The following ZC3H8 variants were observed in gnomAD, a reference collection of about 807,000 sequenced individuals.
ZC3H8 encodes zinc finger CCCH domain-containing protein 8.
A neutral mutation model predicts 42.5 loss-of-function variants in ZC3H8; 27 were observed. That is an observed-to-expected ratio of 0.64 (90% CI 0.47 to 0.88). ZC3H8 has a LOEUF of 0.88. ZC3H8 is among the 40% of genes least tolerant of loss of function. ZC3H8 has a pLI of 0.00. For missense variants in ZC3H8, 277 were observed against 336.1 expected (o/e 0.82, Z 1.37); for synonymous variants, 101 against 110.1 (o/e 0.92, Z 0.52).
intron 2 of ZC3H8, among the ~76,000 whole-genome samples, chr2:112,247,243 T>C (rs1685795194): frequency 1.3e-5 from 2 of 152,186 alleles, no homozygotes; most frequent in Admixed American, 1.3e-4. Context: ...GTAATGCTCT[T>C]TCTTAACTTG....
rs895180755 is a variant in ZC3H8, at chr2:112,213,650, C to G, written c.*2834G>C. On this transcript the variant is annotated 3_prime_UTR_variant, in exon 9 of 9. Transcript: ENST00000409573. ...AATTAGCAGGGTGTGGTGGCATGCA[C>G]CTGTAGTCCCAGCTACTTGGGAGGC... 8 of 150,918 alleles carry G rather than the reference C, an allele frequency of 5.3e-5. No homozygotes were observed. Among genetic ancestry groups the G allele is most frequent in the Non-Finnish European group, 2.9e-5 (2 of 67,860 alleles). The allele number at this position is 150,918 out of a possible 1,614,324, so 9.3% of individuals were successfully genotyped here.
intron 1 of ZC3H8, among the ~76,000 whole-genome samples, chr2:112,251,528 T>C (rs1685947076): frequency 6.6e-6 from 1 of 152,214 alleles, no homozygotes; most frequent in Non-Finnish European, 1.5e-5. Context: ...ATGACAATAA[T>C]GACCTCAATA....
At position 112,222,038 on chromosome 2, in the gene ZC3H8, T is replaced by C. The variant is rs115677043; in HGVS notation, c.*16-5570A>G. Reference sequence around the variant, plus strand: ...GTTGCTGTCCTTTGGGTAGATTTTTTGCTTTTTTCTTCTTGATAACCTTGG... The same window carrying C: ...GTTGCTGTCCTTTGGGTAGATTTTTCGCTTTTTTCTTCTTGATAACCTTGG... On this transcript the variant is annotated intron_variant, in intron 8 of 8. Transcript: ENST00000409573. Among the ~76,000 whole-genome samples, 193 of 152,264 alleles carry C rather than the reference T, an allele frequency of 1.3e-3. 2 individuals carry two copies. Among genetic ancestry groups the C allele is most frequent in the African/African-American group, 4.6e-3 (191 of 41,556 alleles).
At chr2:112,229,085 G>GA (rs1684978490) in intron 8 of ZC3H8, among the ~76,000 whole-genome samples, 3 of 152,148 alleles carry the variant, frequency 2.0e-5, no homozygotes, top group African/African-American at 7.2e-5. Context: ...ATATACTGGA[G>GA]AAAAAGACAA....
At position 112,215,145 on chromosome 2, in the gene ZC3H8, T is replaced by G. The variant is rs1229656678; in HGVS notation, c.*1339A>C. 1 of 152,170 alleles carries G rather than the reference T, an allele frequency of 6.6e-6. No individual in the cohort carries two copies. Among genetic ancestry groups the G allele is most frequent in the East Asian group, 1.9e-4 (1 of 5,200 alleles). 9.4% of individuals were successfully genotyped at this position (152,170 alleles called of 1,614,324 possible). A position where few individuals can be genotyped will look rare whatever the true frequency, so the allele number is the denominator to read the frequency against. On this transcript the variant is annotated 3_prime_UTR_variant, in exon 9 of 9. Coordinates refer to ENST00000409573, the MANE Select transcript of ZC3H8 (RefSeq NM_032494.3). Reference sequence around the variant, plus strand: ...AAACTGCTAGACTGTAGTATAAGATTAACTACAAGTATTGACAAGGCTCAT... The same window carrying G: ...AAACTGCTAGACTGTAGTATAAGATGAACTACAAGTATTGACAAGGCTCAT...
intron 8 of ZC3H8, among the ~76,000 whole-genome samples, chr2:112,218,501 CACAA>C (rs747908691): frequency 2.3e-4 from 35 of 152,188 alleles, no homozygotes; most frequent in Non-Finnish European, 3.7e-4. Flanking sequence ...TATTTCTACA[CACAA>C]ACAATGAACA....
In ZC3H8 at chr2:112,212,478, G is replaced by A. The variant is rs1684171469; in HGVS notation, c.*4006C>T. The A allele has an allele frequency of 6.6e-6, 1 of 152,198 alleles. No individual in the cohort carries two copies. Among genetic ancestry groups the A allele is most frequent in the Non-Finnish European group, 1.5e-5 (1 of 68,042 alleles). 9.4% of individuals were successfully genotyped at this position (152,198 alleles called of 1,614,324 possible). ...ACTTTGGGAAGAAGAATGTAGGTTT[G>A]CTTCTTAGTTCACATTTATTAGTTT... is the stretch of plus-strand genomic sequence containing the variant. On this transcript the variant is annotated 3_prime_UTR_variant, in exon 9 of 9. Coordinates refer to ENST00000409573, the MANE Select transcript of ZC3H8 (RefSeq NM_032494.3).
At chr2:112,229,941 G>A (rs1453001312) in intron 8 of ZC3H8, among the ~76,000 whole-genome samples, 1 of 145,156 alleles carries the variant, frequency 6.9e-6, no homozygotes, top group Admixed American at 6.9e-5. Flanking sequence ...CTGAGATGCC[G>A]CAAAAAAAAA....
intron 2 of ZC3H8, 112 bp from the exon 3 acceptor site, chr2:112,238,640 T>C (rs909451534): frequency 3.8e-6 from 3 of 794,354 alleles, no homozygotes; most frequent in Non-Finnish European, 5.9e-6. Flanking sequence ...AGGTGGGTAA[T>C]AGGTACATGG....
At chr2:112,249,765 C>T (rs1685884843) in intron 2 of ZC3H8, among the ~76,000 whole-genome samples, 1 of 152,108 alleles carries the variant, frequency 6.6e-6, no homozygotes, top group African/African-American at 2.4e-5. Flanking sequence ...TTTAAGCCAC[C>T]CAGTCTGTGG....
At chr2:112,248,253 GAGA>G (rs1022902783) in intron 2 of ZC3H8, among the ~76,000 whole-genome samples, 5 of 151,518 alleles carry the variant, frequency 3.3e-5, no homozygotes, top group Non-Finnish European at 5.9e-5. Context: ...TCGAACCCAG[GAGA>G]AGGAGGTTGC....
chr2:112,224,883 TATTG>T (rs1573890175), intron 8 of ZC3H8, among the ~76,000 whole-genome samples: 1 of 152,192 alleles, frequency 6.6e-6, no homozygotes, highest in East Asian at 1.9e-4. Flanking sequence ...ATGTCCTATT[TATTG>T]ATTGTGGTGG....
intron 1 of ZC3H8, among the ~76,000 whole-genome samples, chr2:112,252,404 C>G (rs988770784): frequency 6.6e-6 from 1 of 152,192 alleles, no homozygotes; most frequent in Non-Finnish European, 1.5e-5. Flanking sequence ...AACATACCCA[C>G]GTTTGACCAC....
At chr2:112,227,081 A>C (rs909596646) in intron 8 of ZC3H8, among the ~76,000 whole-genome samples, 5 of 152,224 alleles carry the variant, frequency 3.3e-5, no homozygotes, top group African/African-American at 1.2e-4. Flanking sequence ...CTACAGCTAA[A>C]ATCATATGTA....
chr2:112,213,000 G>C lies in ZC3H8; in HGVS notation c.*3484C>G, dbSNP rs890619072. The C allele has an allele frequency of 7.9e-6, 1 of 126,250 alleles. No homozygotes were observed. The highest frequency in any genetic ancestry group is 2.8e-5 in the African/African-American group (1 of 36,162). 7.8% of individuals were successfully genotyped at this position (126,250 alleles called of 1,614,324 possible). Reference sequence around the variant, plus strand: ...TTTTTTTTTTTTTTATAAGAGACAAGGCTCTGTTGCCCAGGCTGGAGTGCA... The same window carrying C: ...TTTTTTTTTTTTTTATAAGAGACAACGCTCTGTTGCCCAGGCTGGAGTGCA... On this transcript the variant is annotated 3_prime_UTR_variant, in exon 9 of 9. Coordinates refer to ENST00000409573, the MANE Select transcript of ZC3H8 (RefSeq NM_032494.3).
At chr2:112,245,461 C>A (rs1247711455) in intron 2 of ZC3H8, among the ~76,000 whole-genome samples, 1 of 152,168 alleles carries the variant, frequency 6.6e-6, no homozygotes, top group Admixed American at 6.5e-5. Flanking sequence ...CAAGACCAGC[C>A]TAGCCAACAT....
intron 2 of ZC3H8, among the ~76,000 whole-genome samples, chr2:112,248,584 G>A (rs546427350): frequency 2.0e-5 from 3 of 151,922 alleles, no homozygotes; most frequent in Non-Finnish European, 4.4e-5. Context: ...TCTGCCTCCC[G>A]GGTTTAAGCG....
In ZC3H8 at chr2:112,236,710, T is replaced by C. The variant is rs748708885; in HGVS notation, c.371-15A>G. 3 of 1,586,296 alleles carry C rather than the reference T, an allele frequency of 1.9e-6. No individual in the cohort carries two copies. In the South Asian group the frequency reaches 3.4e-5, roughly 18 times the overall value. ...TTGTTTAGCAGCTAAAAACAAAAAA[T>C]TAATTTAAAAAATGACATAAAGTTA... On this transcript the variant is annotated splice_polypyrimidine_tract_variant and intron_variant, in intron 3 of 8. Coordinates refer to ENST00000409573, the MANE Select transcript of ZC3H8 (RefSeq NM_032494.3).
At chr2:112,217,922 G>T (rs921616602) in intron 8 of ZC3H8, among the ~76,000 whole-genome samples, 19 of 152,026 alleles carry the variant, frequency 1.2e-4, no homozygotes, top group African/African-American at 4.6e-4. Flanking sequence ...CTGGTTTCTT[G>T]TGTTTTTGTT....
Sources: allele counts gnomAD v4.1 joint callset (sites outside exome capture counted in the v4.1 genomes callset), GRCh38; gene constraint gnomAD v4.1.1; transcripts MANE v1.5; gene names NCBI Gene and HGNC (gene_info 2026-07-23, HGNC 2026-07-21).